The following SH3RF3 variants were observed in gnomAD, a reference collection of about 807,000 sequenced individuals.
SH3RF3 encodes the protein SH3 domain containing ring finger 3.
In SH3RF3, 29 loss-of-function variants were observed where a neutral mutation model predicts 66.3. That is an observed-to-expected ratio of 0.44 (90% confidence interval 0.33 to 0.60). The LOEUF is 0.60. Among genes scored for constraint, SH3RF3 ranks in the 20% least tolerant of loss-of-function variants. The pLI, the probability that SH3RF3 is intolerant of heterozygous loss-of-function variation, is 0.04. For missense variants in SH3RF3, 1,194 were observed against 1,190.9 expected (o/e 1.00, Z -0.04); for synonymous variants, 583 against 532.0 (o/e 1.10, Z -1.32).
intron 8 of SH3RF3, among the ~76,000 whole-genome samples, chr2:109,455,888 G>A (rs1430216094): frequency 6.6e-6 from 1 of 152,222 alleles, no homozygotes; most frequent in African/African-American, 2.4e-5. Context: ...GTGGGGAGGG[G>A]CCTGCTGTCA....
chr2:109,240,787 C>T (rs778722638), intron 1 of SH3RF3, among the ~76,000 whole-genome samples: 2 of 152,028 alleles, frequency 1.3e-5, no homozygotes, highest in African/African-American at 4.8e-5. Context: ...TCTCTAGACC[C>T]TGAGGGGTTT....
chr2:109,211,940 G>A (rs1486293956), intron 1 of SH3RF3, among the ~76,000 whole-genome samples: 1 of 152,224 alleles, frequency 6.6e-6, no homozygotes. Flanking sequence ...ACCGCACCCA[G>A]CCCCTTCCCA....
At chr2:109,487,334 CGACCACCAGGGAAGTGCCTA>C (rs909897205) in intron 8 of SH3RF3, among the ~76,000 whole-genome samples, 1 of 152,178 alleles carries the variant, frequency 6.6e-6, no homozygotes, top group African/African-American at 2.4e-5. Context: ...TCACACGGGA[CGACCACCAGGGAAGTGCCTA>C]GACCGTCTAC....
At chr2:109,414,898 T>C (rs1676682226) in intron 4 of SH3RF3, among the ~76,000 whole-genome samples, 1 of 152,214 alleles carries the variant, frequency 6.6e-6, no homozygotes, top group South Asian at 2.1e-4. Flanking sequence ...GTCCAAGTGC[T>C]GATCCCAGAA....
chr2:109,357,355 G>A (rs1235502073), intron 2 of SH3RF3, among the ~76,000 whole-genome samples: 1 of 152,084 alleles, frequency 6.6e-6, no homozygotes, highest in Non-Finnish European at 1.5e-5. Context: ...ATAATTTTGT[G>A]TATTTTTAGT....
At chr2:109,430,972 C>T (rs1020535862) in intron 5 of SH3RF3, among the ~76,000 whole-genome samples, 10 of 152,152 alleles carry the variant, frequency 6.6e-5, no homozygotes, top group African/African-American at 2.4e-4. Flanking sequence ...GAGGGCCTTG[C>T]TATGTAGGAT....
intron 8 of SH3RF3, among the ~76,000 whole-genome samples, chr2:109,488,177 G>A (rs972616139): frequency 3.3e-5 from 5 of 152,174 alleles, no homozygotes; most frequent in African/African-American, 1.2e-4. Flanking sequence ...TGCTGTCCTT[G>A]TGACCTAGGG....
At chr2:109,350,281 G>A (rs1031883763) in intron 2 of SH3RF3, among the ~76,000 whole-genome samples, 1 of 152,216 alleles carries the variant, frequency 6.6e-6, no homozygotes. Flanking sequence ...GTTGAATTGA[G>A]GTCAGAGGCG....
At chr2:109,210,216 T>G (rs1287426693) in intron 1 of SH3RF3, among the ~76,000 whole-genome samples, 1 of 152,206 alleles carries the variant, frequency 6.6e-6, no homozygotes, top group Non-Finnish European at 1.5e-5. Context: ...TTCACAGACA[T>G]TTGGGTGTTT....
intron 9 of SH3RF3, among the ~76,000 whole-genome samples, chr2:109,497,297 TC>T (rs1679281884): frequency 6.6e-6 from 1 of 152,304 alleles, no homozygotes; most frequent in Admixed American, 6.5e-5. Context: ...TCATTCGTCT[TC>T]CTGTGTTGGA....
intron 5 of SH3RF3, among the ~76,000 whole-genome samples, chr2:109,424,137 G>C (rs1573240261): frequency 6.6e-6 from 1 of 152,200 alleles, no homozygotes; most frequent in Non-Finnish European, 1.5e-5. Context: ...TGTGGGGAGT[G>C]CTCTCAGGAC....
chr2:109,370,111 A>G (rs950416077), intron 2 of SH3RF3, among the ~76,000 whole-genome samples: 2 of 152,078 alleles, frequency 1.3e-5, no homozygotes, highest in African/African-American at 4.8e-5. Context: ...CGAAGGAGGG[A>G]TGGTTCCGGA....
intron 8 of SH3RF3, among the ~76,000 whole-genome samples, chr2:109,477,213 C>T (rs953649974): frequency 6.6e-6 from 1 of 152,174 alleles, no homozygotes; most frequent in Non-Finnish European, 1.5e-5. Flanking sequence ...ACTGCACTGC[C>T]CCGGGTTGCA....
intron 1 of SH3RF3, among the ~76,000 whole-genome samples, chr2:109,307,924 T>C (rs1404944723): frequency 2.3e-5 from 3 of 128,342 alleles, no homozygotes; most frequent in Non-Finnish European, 4.7e-5. Flanking sequence ...TTTATAGTCC[T>C]TTGGGTATAT....
At chr2:109,207,494 C>G (rs1209100132) in intron 1 of SH3RF3, among the ~76,000 whole-genome samples, 2 of 152,154 alleles carry the variant, frequency 1.3e-5, no homozygotes, top group African/African-American at 4.8e-5. Flanking sequence ...GCAGAACCAT[C>G]TGCCTTTGGA....
At chr2:109,270,262 G>A (rs991804025) in intron 1 of SH3RF3, among the ~76,000 whole-genome samples, 10 of 152,186 alleles carry the variant, frequency 6.6e-5, no homozygotes, top group African/African-American at 1.9e-4. Context: ...CACCTGAAGC[G>A]TAACCTTAAG....
chr2:109,144,886 T>A (rs1005727939), intron 1 of SH3RF3, among the ~76,000 whole-genome samples: 4 of 152,232 alleles, frequency 2.6e-5, no homozygotes, highest in African/African-American at 9.6e-5. Flanking sequence ...CAGCAAGCTT[T>A]GTTCCCAGAG....
At chr2:109,428,228 C>G (rs114817379) in intron 5 of SH3RF3, among the ~76,000 whole-genome samples, 1 of 152,192 alleles carries the variant, frequency 6.6e-6, no homozygotes, top group Non-Finnish European at 1.5e-5. Context: ...TTTTAGAAGA[C>G]GTATGAGCAA....
At chr2:109,313,567 T>G (rs1325498237) in intron 1 of SH3RF3, 1 of 154,896 alleles carries the variant, frequency 6.5e-6, no homozygotes, top group Non-Finnish European at 1.5e-5. Context: ...GAGGCCCAGA[T>G]AGGGACTGTC....
Sources: allele counts gnomAD v4.1 joint callset (sites outside exome capture counted in the v4.1 genomes callset), GRCh38; gene constraint gnomAD v4.1.1; transcripts MANE v1.5; gene names NCBI Gene and HGNC (gene_info 2026-07-23, HGNC 2026-07-21).